SLC6A17: variants seen among roughly 807,000 people sequenced by gnomAD.
The protein encoded by SLC6A17 is solute carrier family 6 member 17, also known as sodium-dependent neutral amino acid transporter SLC6A17.
SLC6A17 carries 21 observed loss-of-function variants against 64.5 expected under a neutral mutation model. That is an observed-to-expected ratio of 0.33 (90% CI 0.23 to 0.47). SLC6A17 has a LOEUF of 0.47. SLC6A17 is among the 20% of genes least tolerant of loss of function. The pLI, the probability that SLC6A17 is intolerant of heterozygous loss-of-function variation, is 1.00. For missense variants in SLC6A17, 682 were observed against 963.2 expected (o/e 0.71, Z 3.86); for synonymous variants, 372 against 399.5 (o/e 0.93, Z 0.82).
rs1557844187 is a variant in SLC6A17 at position 110,200,067 on chromosome 1, T to C, written c.*1623T>C. ...TGGGCAGGGCAGAAACAGGCCACAGTGCTCAACCCGGACACCCTCACGAAG... is the reference window on the plus strand; with the variant it reads ...TGGGCAGGGCAGAAACAGGCCACAGCGCTCAACCCGGACACCCTCACGAAG... On this transcript the variant is annotated 3_prime_UTR_variant, in exon 12 of 12. Transcript: ENST00000331565. The C allele has an allele frequency of 1.8e-5, 7 of 398,390 alleles. No homozygotes were observed. In the South Asian group the frequency reaches 7.6e-4, roughly 43 times the overall value. The allele number at this position is 398,390 out of a possible 1,614,324, so 24.7% of individuals were successfully genotyped here. A position where few individuals can be genotyped will look rare whatever the true frequency, so the allele number is the denominator to read the frequency against.
intron 6 of SLC6A17, chr1:110,177,583 G>A (rs1380871069): frequency 1.3e-5 from 2 of 152,282 alleles, no homozygotes; most frequent in African/African-American, 4.8e-5. Context: ...CTGTACATCA[G>A]AAACCCCAGC....
intron 3 of SLC6A17, among the ~76,000 whole-genome samples, chr1:110,172,810 A>G (rs1656276454): frequency 6.6e-6 from 1 of 152,242 alleles, no homozygotes; most frequent in South Asian, 2.1e-4. Context: ...TGAGGTCTCC[A>G]GGCTCATCCA....
intron 6 of SLC6A17, among the ~76,000 whole-genome samples, chr1:110,183,289 A>T (rs1199234071): frequency 2.0e-5 from 3 of 152,240 alleles, no homozygotes; most frequent in Admixed American, 2.0e-4. Flanking sequence ...ATCCAGCCAT[A>T]AAAAGGAATG....
intron 3 of SLC6A17, among the ~76,000 whole-genome samples, chr1:110,173,042 C>T (rs981736812): frequency 2.0e-5 from 3 of 152,272 alleles, no homozygotes; most frequent in African/African-American, 7.2e-5. Context: ...CCTGCTCTCA[C>T]GTCAGCCATC....
At chr1:110,173,892 CGTGCTGGGCCTCGGGT>C in intron 3 of SLC6A17, 65 bp from the exon 4 acceptor site, 1 of 1,552,162 alleles carries the variant, frequency 6.4e-7, no homozygotes, top group East Asian at 2.3e-5. Context: ...GCGCTGCCGA[CGTGCTGGGCCTCGGGT>C]GGAGCGTGGG....
intron 6 of SLC6A17, chr1:110,178,090 T>G (rs2101850270): frequency 6.6e-6 from 1 of 152,352 alleles, no homozygotes; most frequent in Non-Finnish European, 1.5e-5. Flanking sequence ...CCTGGTTTCT[T>G]TGGGAGAAAA....
At chr1:110,197,371 T>C (rs1656996655) in intron 10 of SLC6A17, 66 bp from the exon 11 acceptor site, 2 of 1,541,024 alleles carry the variant, frequency 1.3e-6, no homozygotes, top group Non-Finnish European at 1.8e-6. Flanking sequence ...GAGGAGATGG[T>C]GATGGGGGAA....
At position 110,167,080 on chromosome 1, in the gene SLC6A17, G is replaced by A; in HGVS notation, c.151G>A (p.Val51Met). 1 of 1,611,536 alleles carries A rather than the reference G, an allele frequency of 6.2e-7. No homozygotes were observed. Among genetic ancestry groups the A allele is most frequent in the Non-Finnish European group, 8.5e-7 (1 of 1,179,088 alleles). ...TGAGGCAGGCGGCAAGCAGAAGGCG[G>A]TGGAGGAGGAGCTGGATGCAGAGGA... is the stretch of plus-strand genomic sequence containing the variant. ...AGEAGGKQKA[V>M]EEELDAEDRP... The change falls in exon 2 of 12, where the codon GTG (valine) becomes ATG (methionine). Residue 51 changes from valine (V) to methionine (M), a missense_variant. Physicochemically the swap from Val to Met is conservative, Grantham distance 21 (BLOSUM62 1). This residue lies in a region of SLC6A17 where 415 missense variants were observed against 603.8 expected (regional missense o/e 0.69). Transcript: ENST00000331565.
chr1:110,174,135 C>G (rs780991973), intron 4 of SLC6A17, 36 bp downstream of exon 4: 6 of 1,609,656 alleles, frequency 3.7e-6, no homozygotes, highest in Non-Finnish European at 5.1e-6. Flanking sequence ...GCCAGCCAGC[C>G]CTGTCCCAGG....
chr1:110,197,095 G>A (rs1013288773), intron 10 of SLC6A17, among the ~76,000 whole-genome samples: 30 of 152,188 alleles, frequency 2.0e-4, no homozygotes, highest in Non-Finnish European at 4.0e-4. Flanking sequence ...CCAGCAGGGG[G>A]AGCCTTCAGC....
chr1:110,193,647 C>T (rs567531750), intron 8 of SLC6A17, among the ~76,000 whole-genome samples: 8 of 152,312 alleles, frequency 5.3e-5, no homozygotes, highest in African/African-American at 1.9e-4. Flanking sequence ...GGAGCTGCAT[C>T]CTACACCCCA....
intron 1 of SLC6A17, among the ~76,000 whole-genome samples, chr1:110,153,684 C>G (rs571555323): frequency 3.9e-5 from 6 of 152,258 alleles, no homozygotes; most frequent in African/African-American, 1.4e-4. Flanking sequence ...CCCTCCCTTC[C>G]TTTATACTCC....
chr1:110,159,158 G>A (rs1655834464), intron 1 of SLC6A17, among the ~76,000 whole-genome samples: 1 of 152,102 alleles, frequency 6.6e-6, no homozygotes. Flanking sequence ...AAGAATTATG[G>A]CCTATGTGCT....
At chr1:110,187,104 C>T (rs936617283) in intron 6 of SLC6A17, among the ~76,000 whole-genome samples, 2 of 148,266 alleles carry the variant, frequency 1.3e-5, no homozygotes, top group African/African-American at 2.5e-5. Flanking sequence ...GTGACCAGAG[C>T]TGTGTTCATC....
Position 110,198,724 on chromosome 1 carries a change from A to C in SLC6A17, c.*280A>C, listed in dbSNP as rs141977572. On this transcript the variant is annotated 3_prime_UTR_variant, in exon 12 of 12. Transcript: ENST00000331565. ...TAGCCATGTAATTGGAACAACCCATAAGGCCTGCTTCCCAGTCCATGGGAG... is the reference window on the plus strand; with the variant it reads ...TAGCCATGTAATTGGAACAACCCATCAGGCCTGCTTCCCAGTCCATGGGAG... 3.0e-3 allele frequency: 1,209 copies of C among 409,382 alleles called. 14 individuals are homozygous for C. Among genetic ancestry groups the C allele is most frequent in the African/African-American group, 0.022 (1,100 of 49,990 alleles). 25.4% of individuals were successfully genotyped at this position (409,382 alleles called of 1,614,324 possible).
At chr1:110,187,122 A>AC (rs1656704805) in intron 6 of SLC6A17, among the ~76,000 whole-genome samples, 1 of 127,958 alleles carries the variant, frequency 7.8e-6, no homozygotes, top group Non-Finnish European at 1.7e-5. Flanking sequence ...ATCTTGTTAA[A>AC]AAAAAACAAA....
At chr1:110,162,921 C>G (rs1012377275) in intron 1 of SLC6A17, among the ~76,000 whole-genome samples, 1 of 149,660 alleles carries the variant, frequency 6.7e-6, no homozygotes, top group Non-Finnish European at 1.5e-5. Context: ...CTCAGAGAGG[C>G]TAGAAAAGTT....
chr1:110,156,029 A>G (rs2002384), intron 1 of SLC6A17, among the ~76,000 whole-genome samples: 68,162 of 152,022 alleles, frequency 0.45, 16,082 homozygotes, highest in Non-Finnish European at 0.53. Flanking sequence ...GCCCAGGTCT[A>G]AAGGAAGGAG....
intron 6 of SLC6A17, among the ~76,000 whole-genome samples, chr1:110,187,720 T>C (rs546755121): frequency 3.9e-5 from 6 of 152,348 alleles, no homozygotes; most frequent in South Asian, 2.1e-4. Flanking sequence ...GCTGTTGTGA[T>C]TGACATTTGC....
Sources: allele counts gnomAD v4.1 joint callset (sites outside exome capture counted in the v4.1 genomes callset), GRCh38; gene constraint gnomAD v4.1.1; regional missense constraint gnomAD v4.1.1; transcripts MANE v1.5; gene names NCBI Gene and HGNC (gene_info 2026-07-23, HGNC 2026-07-21).